CCDC178: variants seen among roughly 807,000 people sequenced by gnomAD.
CCDC178 encodes coiled-coil domain-containing protein 178.
A neutral mutation model predicts 117.4 loss-of-function variants in CCDC178; 126 were observed. The ratio of observed to expected loss-of-function variants is 1.07; its 90% CI spans 0.93 to 1.24. The LOEUF is 1.24. Ranked by LOEUF, CCDC178 falls within the 50% of genes most tolerant of loss-of-function variation. The probability of loss-of-function intolerance (pLI) is 0.00; values close to 1 mark genes in which losing one functional copy is unlikely to be tolerated. For synonymous variants in CCDC178, 283 were observed against 313.4 expected (o/e 0.90, Z 1.02); for missense variants, 1,030 against 986.9 (o/e 1.04, Z -0.59).
chr18:33,049,386 G>A (rs971275756), intron 21 of CCDC178, among the ~76,000 whole-genome samples: 2 of 151,952 alleles, frequency 1.3e-5, no homozygotes, highest in Non-Finnish European at 2.9e-5. Flanking sequence ...AAATACATCT[G>A]CATTTGATTT....
chr18:33,390,882 C>T (rs2063555414), intron 4 of CCDC178, among the ~76,000 whole-genome samples: 1 of 151,484 alleles, frequency 6.6e-6, no homozygotes, highest in African/African-American at 2.4e-5. Flanking sequence ...CACATACATA[C>T]ATAAATATAA....
chr18:33,404,291 T>C (rs537452299), intron 3 of CCDC178, among the ~76,000 whole-genome samples: 2 of 151,950 alleles, frequency 1.3e-5, no homozygotes, highest in South Asian at 2.1e-4. Flanking sequence ...TGAATGTGGG[T>C]TAGGAGATAG....
intron 21 of CCDC178, among the ~76,000 whole-genome samples, chr18:33,011,140 C>CTTA (rs1484751054): frequency 3.3e-5 from 5 of 152,082 alleles, no homozygotes; most frequent in African/African-American, 1.2e-4. Context: ...CATTATAGAA[C>CTTA]ACACAGAAAA....
chr18:33,386,062 T>C (rs1568192760), intron 5 of CCDC178, among the ~76,000 whole-genome samples: 2 of 152,146 alleles, frequency 1.3e-5, no homozygotes. Context: ...CAGAGAATAC[T>C]ATAAACACCT....
chr18:33,227,548 GTGTGTGTGTATATATATATA>G (rs1173476222), intron 15 of CCDC178, among the ~76,000 whole-genome samples: 2 of 89,300 alleles, frequency 2.2e-5, no homozygotes, highest in Admixed American at 3.0e-4. Context: ...GTGTGTGTGT[GTGTGTGTGTATATATATATA>G]TATATATATA....
At chr18:33,394,712 T>C (rs1261293092) in intron 4 of CCDC178, among the ~76,000 whole-genome samples, 1 of 151,390 alleles carries the variant, frequency 6.6e-6, no homozygotes, top group Non-Finnish European at 1.5e-5. Context: ...TAGTACACTG[T>C]TTGAATAATA....
rs374868180 is a variant in CCDC178 at position 33,002,351 on chromosome 18, G to GA, written c.2389-27671dup. Among the ~76,000 whole-genome samples the GA allele has an allele frequency of 3.8e-3, 550 of 145,174 alleles. 4 individuals are homozygous for GA. The highest frequency in any genetic ancestry group is 0.012 in the African/African-American group (458 of 39,610). Reference sequence around the variant, plus strand: ...GTATCTTCTCTGACCAGACCACAATGAAAAAAAAAACTAGAAATTATTAAT... The same window carrying GA: ...GTATCTTCTCTGACCAGACCACAATGAAAAAAAAAAACTAGAAATTATTAAT... On this transcript the variant is annotated intron_variant, in intron 21 of 22. Transcript: ENST00000383096.
intron 20 of CCDC178, among the ~76,000 whole-genome samples, chr18:33,163,446 T>C (rs1401748438): frequency 2.0e-5 from 3 of 152,066 alleles, no homozygotes; most frequent in Non-Finnish European, 2.9e-5. Flanking sequence ...ACATAGAAAA[T>C]AGAGAACCAT....
rs2063807893 is a variant in CCDC178 at position 33,408,300 on chromosome 18, G to A, written c.58+3731C>T. Among the ~76,000 whole-genome samples, 4 of 151,378 alleles carry A rather than the reference G, an allele frequency of 2.6e-5. No homozygotes were observed. The South Asian group carries it at 8.3e-4, about 32-fold the overall frequency. ...GTCTCACTTTAAAAATCATGAACAG[G>A]AAGATGTGTGCACATTTTAGTCACC... is the stretch of plus-strand genomic sequence containing the variant. On this transcript the variant is annotated intron_variant, in intron 3 of 22. Transcript: ENST00000383096.
chr18:33,079,985 T>C (rs1464012048), intron 21 of CCDC178, among the ~76,000 whole-genome samples: 2 of 152,190 alleles, frequency 1.3e-5, no homozygotes, highest in African/African-American at 4.8e-5. Context: ...TGAATGCTCA[T>C]TGCAGCACTC....
intron 21 of CCDC178, among the ~76,000 whole-genome samples, chr18:33,016,893 TGCAGAAAAAACATTTG>T (rs1455752514): frequency 2.6e-5 from 4 of 151,860 alleles, no homozygotes; most frequent in Non-Finnish European, 4.4e-5. Context: ...AAATGACAGA[TGCAGAAAAAACATTTG>T]GCAATGCTTA....
chr18:33,365,793 T>C (rs2063196669), intron 6 of CCDC178, among the ~76,000 whole-genome samples: 1 of 152,026 alleles, frequency 6.6e-6, no homozygotes, highest in South Asian at 2.1e-4. Flanking sequence ...AATAAAACTA[T>C]TTACAGTCTA....
intron 21 of CCDC178, among the ~76,000 whole-genome samples, chr18:33,082,195 G>C (rs1489348177): frequency 6.6e-6 from 1 of 152,132 alleles, no homozygotes; most frequent in Admixed American, 6.5e-5. Flanking sequence ...ATTAGGTCTG[G>C]CATGGTGGCT....
At chr18:33,151,298 GGTGTGGT>G (rs1450889450) in intron 20 of CCDC178, among the ~76,000 whole-genome samples, 2 of 151,986 alleles carry the variant, frequency 1.3e-5, no homozygotes, top group African/African-American at 4.8e-5. Context: ...AAATTAGGTG[GGTGTGGT>G]GGCGAGCACC....
At chr18:33,173,467 C>T (rs768794830) in intron 20 of CCDC178, among the ~76,000 whole-genome samples, 34 of 152,216 alleles carry the variant, frequency 2.2e-4, no homozygotes, top group African/African-American at 7.7e-4. Context: ...ACAGGTGCCA[C>T]GGCTTTAAAG....
chr18:33,223,121 T>C lies in CCDC178; in HGVS notation c.1917A>G (p.Ala639=), dbSNP rs1599020094. 3.1e-6 allele frequency: 5 copies of C among 1,599,982 alleles called. No individual in the cohort carries two copies. Among genetic ancestry groups the C allele is most frequent in the East Asian group, 4.5e-5 (2 of 44,534 alleles). Residue 639 remains alanine, a synonymous_variant, in exon 18 of 23, where the codon GCA becomes GCG. Coordinates refer to ENST00000383096, the MANE Select transcript of CCDC178 (RefSeq NM_001105528.4). ...AAATTCTTACCTCAGTTTCTATTAA[T>C]GCATCAAGGGTTTTCTTCCCCTTTT... ...LRKKGKKTLD[A]LIETESKRSA...
chr18:33,429,374 GAC>G (rs758799886), intron 2 of CCDC178, among the ~76,000 whole-genome samples: 134 of 150,062 alleles, frequency 8.9e-4, no homozygotes, highest in Non-Finnish European at 9.1e-4. Flanking sequence ...GAGAGAGACA[GAC>G]AGAGAGAGAG....
intron 20 of CCDC178, among the ~76,000 whole-genome samples, chr18:33,200,438 T>C (rs72947174): frequency 0.047 from 7,205 of 152,260 alleles, 253 homozygotes; most frequent in East Asian, 0.12. Flanking sequence ...TGTAGCTTTG[T>C]TACCCTTCTG....
intron 22 of CCDC178, among the ~76,000 whole-genome samples, chr18:32,959,393 A>G (rs2054660597): frequency 6.6e-6 from 1 of 152,140 alleles, no homozygotes; most frequent in East Asian, 1.9e-4. Context: ...CATTTGGTGT[A>G]CACTTTCTAT....
Sources: allele counts gnomAD v4.1 joint callset (sites outside exome capture counted in the v4.1 genomes callset), GRCh38; gene constraint gnomAD v4.1.1; transcripts MANE v1.5; gene names NCBI Gene and HGNC (gene_info 2026-07-23, HGNC 2026-07-21).